The following RPH3A variants were observed in gnomAD, a reference collection of about 807,000 sequenced individuals.
RPH3A encodes the protein rabphilin-3A.
In RPH3A, 48 loss-of-function variants were observed where a neutral mutation model predicts 102.2. The ratio of observed to expected loss-of-function variants is 0.47; its 90% confidence interval spans 0.37 to 0.60. RPH3A has a LOEUF of 0.60. Among genes scored for constraint, RPH3A ranks in the 20% least tolerant of loss-of-function variants. The probability of loss-of-function intolerance (pLI) is 0.00; values close to 1 mark genes in which losing one functional copy is unlikely to be tolerated. For synonymous variants in RPH3A, 310 were observed against 324.3 expected (o/e 0.96, Z 0.47); for missense variants, 781 against 910.1 (o/e 0.86, Z 1.83).
At chr12:112,740,085 C>G (rs1040355655) in intron 1 of RPH3A, among the ~76,000 whole-genome samples, 3 of 152,162 alleles carry the variant, frequency 2.0e-5, no homozygotes, top group Admixed American at 6.5e-5. Flanking sequence ...ATACTTGAAA[C>G]AGTTTCGGAT....
rs746459168 is a variant in RPH3A at position 112,847,713 on chromosome 12, C to T, written c.101C>T (p.Ser34Phe). The T allele has an allele frequency of 1.9e-6, 3 of 1,614,040 alleles. No individual in the cohort carries two copies. Among genetic ancestry groups the T allele is most frequent in the South Asian group, 2.2e-5 (2 of 91,036 alleles). The change falls in exon 5 of 22, where the codon TCC (serine) becomes TTC (phenylalanine). Residue 34 changes from serine (S) to phenylalanine (F), a missense_variant. Ser to Phe is a radical substitution (Grantham distance 155). This residue lies in a region of RPH3A where 730 missense variants were observed against 810.0 expected (regional missense o/e 0.90). Coordinates refer to ENST00000389385, the MANE Select transcript of RPH3A (RefSeq NM_001143854.2). ...CCTTTCAGGCTCCAGGCAGGCTGGTCCGTCCACCCCGGTGGTCAGCCTGAC... is the reference window on the plus strand; with the variant it reads ...CCTTTCAGGCTCCAGGCAGGCTGGTTCGTCCACCCCGGTGGTCAGCCTGAC... The part of the protein sequence containing the change: ...NDKEQLQAGW[S>F]VHPGGQPDRQ...
intron 14 of RPH3A, 125 bp from the exon 15 acceptor site, chr12:112,881,647 G>C: frequency 1.7e-6 from 1 of 587,518 alleles, no homozygotes; most frequent in Non-Finnish European, 3.0e-6. Context: ...CTCTCTCTTT[G>C]GAGGAGGAAG....
intron 5 of RPH3A, among the ~76,000 whole-genome samples, chr12:112,860,105 A>G (rs1022196506): frequency 5.9e-5 from 9 of 152,212 alleles, no homozygotes; most frequent in African/African-American, 2.2e-4. Flanking sequence ...CTTGTGACAC[A>G]TGGTCCACCA....
At chr12:112,740,507 G>A (rs903947950) in intron 1 of RPH3A, among the ~76,000 whole-genome samples, 3 of 152,106 alleles carry the variant, frequency 2.0e-5, no homozygotes, top group African/African-American at 7.2e-5. Context: ...CAAGGAGTGG[G>A]CAAGCCAGCA....
rs77541029 is a variant in RPH3A, at chr12:112,857,149, TCA to T, written c.231-8262_231-8261del. ...ACACCTGAAGAAAGTGACCGGAACC[TCA>T]CAGGGTCAAAAGCTTGGCTTGCCTG... On this transcript the variant is annotated intron_variant, in intron 5 of 21. Transcript: ENST00000389385. 5.7e-3 allele frequency among the ~76,000 whole-genome samples: 862 copies of T among 152,260 alleles called. 7 individuals are homozygous for T. Among genetic ancestry groups the T allele is most frequent in the Non-Finnish European group, 9.5e-3 (647 of 68,020 alleles).
intron 14 of RPH3A, among the ~76,000 whole-genome samples, chr12:112,880,380 G>C (rs1565940026): frequency 1.3e-5 from 2 of 152,198 alleles, no homozygotes; most frequent in African/African-American, 4.8e-5. Context: ...AGTGAAGTAA[G>C]TGCATATACA....
chr12:112,583,732 C>T (rs988125380), intron 1 of RPH3A, among the ~76,000 whole-genome samples: 1 of 152,126 alleles, frequency 6.6e-6, no homozygotes, highest in African/African-American at 2.4e-5. Context: ...TGCCTGTAAC[C>T]CCAGCACTTT....
At chr12:112,749,524 G>C (rs893673285) in intron 1 of RPH3A, among the ~76,000 whole-genome samples, 5 of 152,166 alleles carry the variant, frequency 3.3e-5, no homozygotes, top group African/African-American at 1.2e-4. Context: ...CTTTGAGAAG[G>C]GTCATTTCTG....
At chr12:112,593,636 C>A (rs901391785) in intron 1 of RPH3A, among the ~76,000 whole-genome samples, 1 of 152,146 alleles carries the variant, frequency 6.6e-6, no homozygotes, top group African/African-American at 2.4e-5. Context: ...ATAGATGGTG[C>A]GTTAGATTGG....
rs918969807 is a variant in RPH3A, at chr12:112,669,626, ACTT to A, written c.-140+94308_-140+94310del. Among the ~76,000 whole-genome samples, 41 of 152,348 alleles carry A rather than the reference ACTT, an allele frequency of 2.7e-4. 1 individual carries two copies. Among genetic ancestry groups the A allele is most frequent in the Admixed American group, 5.2e-4 (8 of 15,290 alleles). On this transcript the variant is annotated intron_variant, in intron 1 of 21. Coordinates refer to the RPH3A transcript ENST00000543106. ...TCACTATTAGGAGTTTTCTTGGCCT[ACTT>A]TCAGATTTTTAAAATGTTTTTATAA...
chr12:112,883,925 T>C (rs1386096549), intron 16 of RPH3A, among the ~76,000 whole-genome samples: 2 of 152,164 alleles, frequency 1.3e-5, no homozygotes, highest in Non-Finnish European at 2.9e-5. Context: ...ATTTGGGTGG[T>C]TTCTAGTTTG....
intron 3 of RPH3A, among the ~76,000 whole-genome samples, chr12:112,833,019 C>A (rs2136162513): frequency 6.7e-6 from 1 of 148,232 alleles, no homozygotes; most frequent in South Asian, 2.1e-4. Flanking sequence ...TCGCTGCAAC[C>A]TTCGCCTCCC....
chr12:112,705,998 T>A (rs949675253), intron 1 of RPH3A, among the ~76,000 whole-genome samples: 5 of 152,192 alleles, frequency 3.3e-5, no homozygotes, highest in African/African-American at 1.2e-4. Context: ...AGCTTCTAGT[T>A]TGTTGGGAGA....
chr12:112,588,889 T>C (rs1326597116), intron 1 of RPH3A, among the ~76,000 whole-genome samples: 5 of 152,046 alleles, frequency 3.3e-5, no homozygotes, highest in African/African-American at 1.2e-4. Context: ...AGGAACATTC[T>C]AAAGGGGCTG....
chr12:112,822,940 A>G (rs1016493904), intron 2 of RPH3A, among the ~76,000 whole-genome samples: 2 of 152,206 alleles, frequency 1.3e-5, no homozygotes, highest in African/African-American at 4.8e-5. Flanking sequence ...CAAGGACTGT[A>G]GGGGAATTTC....
At chr12:112,826,006 G>A (rs1023567230) in intron 2 of RPH3A, among the ~76,000 whole-genome samples, 2 of 152,152 alleles carry the variant, frequency 1.3e-5, no homozygotes, top group African/African-American at 2.4e-5. Context: ...GTAAACGTGT[G>A]CCATATGGTA....
chr12:112,729,112 C>T (rs564864359), intron 1 of RPH3A, among the ~76,000 whole-genome samples: 26 of 151,862 alleles, frequency 1.7e-4, no homozygotes, highest in African/African-American at 3.1e-4. Context: ...TGGTTCTAAC[C>T]AGTCTTAGTT....
At position 112,896,821 on chromosome 12, in the gene RPH3A, C is replaced by T. The variant is rs767979590; in HGVS notation, c.*41C>T. 5 of 1,610,644 alleles carry T rather than the reference C, an allele frequency of 3.1e-6. No homozygotes were observed. Among genetic ancestry groups the T allele is most frequent in the Admixed American group, 3.3e-5 (2 of 59,880 alleles). On this transcript the variant is annotated 3_prime_UTR_variant, in exon 22 of 22. Coordinates refer to ENST00000389385, the MANE Select transcript of RPH3A (RefSeq NM_001143854.2). ...CCCATCTCCATGTCCCGGGTCCCCC[C>T]CAGCCTGCTCTAGCTGCCCACCGCA...
At chr12:112,835,314 T>C (rs1348963890) in intron 3 of RPH3A, among the ~76,000 whole-genome samples, 1 of 152,222 alleles carries the variant, frequency 6.6e-6, no homozygotes, top group Admixed American at 6.5e-5. Flanking sequence ...AAAAAGTGTG[T>C]CTCTGTAAGA....
Sources: gnomAD v4.1 joint callset for allele counts (sites outside exome capture counted in the v4.1 genomes callset) on GRCh38, gnomAD v4.1.1 for gene constraint, gnomAD v4.1.1 regional missense constraint, MANE v1.5 for transcripts, NCBI Gene and HGNC (gene_info 2026-07-23, HGNC 2026-07-21) for gene names.